Variants in PDE4D observed in about 807,000 individuals in gnomAD.
PDE4D encodes 3',5'-cyclic-AMP phosphodiesterase 4D.
A neutral mutation model predicts 87.4 loss-of-function variants in PDE4D; 24 were observed. That is an observed-to-expected ratio of 0.27 (90% confidence interval 0.20 to 0.39). PDE4D has a LOEUF of 0.39. PDE4D is among the 10% of genes least tolerant of loss of function. The probability of loss-of-function intolerance (pLI) is 1.00; values close to 1 mark genes in which losing one functional copy is unlikely to be tolerated. For missense variants in PDE4D, 714 were observed against 1,041.0 expected (o/e 0.69, Z 4.32); for synonymous variants, 384 against 383.2 (o/e 1.00, Z -0.02).
chr5:60,497,606 G>T (rs2150242393), intron 1 of PDE4D, among the ~76,000 whole-genome samples: 1 of 152,064 alleles, frequency 6.6e-6, no homozygotes, highest in Non-Finnish European at 1.5e-5. Context: ...GTCTCACTAT[G>T]TTCCCCAGGC....
rs534947814 is a variant in PDE4D at position 60,499,725 on chromosome 5, C to T, written n.70+22326G>A. On this transcript the variant is annotated intron_variant and non_coding_transcript_variant, in intron 1 of 2. Coordinates refer to the PDE4D transcript ENST00000506510. ...AGTAAATTTCAGCAACCCGATTGGT[C>T]ATTAAAGACTCCAAAAAATAAACAA... is the stretch of plus-strand genomic sequence containing the variant. Among the ~76,000 whole-genome samples the T allele has an allele frequency of 9.9e-5, 15 of 152,244 alleles. No individual in the cohort carries two copies. The South Asian group carries it at 2.7e-3, about 27-fold the overall frequency.
chr5:59,562,255 A>G (rs1317086149), intron 1 of PDE4D, among the ~76,000 whole-genome samples: 1 of 152,206 alleles, frequency 6.6e-6, no homozygotes, highest in Non-Finnish European at 1.5e-5. Flanking sequence ...ACCAGAAGGA[A>G]TTTCATATTC....
At chr5:59,696,865 T>C (rs1168863049) in intron 1 of PDE4D, among the ~76,000 whole-genome samples, 1 of 152,096 alleles carries the variant, frequency 6.6e-6, no homozygotes, top group Non-Finnish European at 1.5e-5. Context: ...ACAGAAAGTA[T>C]CTGTTGAAGG....
At chr5:59,412,553 C>A (rs1792876975) in intron 1 of PDE4D, among the ~76,000 whole-genome samples, 2 of 152,010 alleles carry the variant, frequency 1.3e-5, no homozygotes, top group Admixed American at 6.5e-5. Flanking sequence ...TCTTACTTGG[C>A]AAGCACATGA....
At chr5:59,887,127 T>C (rs1217398032) in intron 1 of PDE4D, among the ~76,000 whole-genome samples, 4 of 152,054 alleles carry the variant, frequency 2.6e-5, no homozygotes, top group Non-Finnish European at 1.5e-5. Flanking sequence ...AGTCTAAGAA[T>C]GCCACAGACC....
chr5:60,082,008 T>A (rs1301988034), intron 2 of PDE4D, among the ~76,000 whole-genome samples: 1 of 152,168 alleles, frequency 6.6e-6, no homozygotes, highest in Non-Finnish European at 1.5e-5. Context: ...GTTCTCCCCA[T>A]CCACTCTCCA....
chr5:59,997,359 A>G (rs1763610614), intron 2 of PDE4D, among the ~76,000 whole-genome samples: 1 of 152,186 alleles, frequency 6.6e-6, no homozygotes, highest in African/African-American at 2.4e-5. Flanking sequence ...AAAGTTTCTC[A>G]CTTGAGGAAC....
At chr5:59,080,089 T>C (rs1231401734) in intron 5 of PDE4D, among the ~76,000 whole-genome samples, 2 of 152,190 alleles carry the variant, frequency 1.3e-5, no homozygotes, top group Non-Finnish European at 2.9e-5. Flanking sequence ...TCCCAGTCTG[T>C]GGTCAGTGAA....
At chr5:60,418,563 C>CT (rs1432768252) in intron 1 of PDE4D, among the ~76,000 whole-genome samples, 3 of 151,510 alleles carry the variant, frequency 2.0e-5, no homozygotes, top group Admixed American at 6.6e-5. Context: ...CTCTTTTTGT[C>CT]TTTTTTTGTA....
At chr5:59,135,047 G>A (rs1776831575) in intron 5 of PDE4D, among the ~76,000 whole-genome samples, 1 of 152,112 alleles carries the variant, frequency 6.6e-6, no homozygotes, top group Non-Finnish European at 1.5e-5. Context: ...GCAATTCAGT[G>A]CGCACCAACA....
At chr5:59,031,042 C>A (rs1281503047) in intron 6 of PDE4D, among the ~76,000 whole-genome samples, 1 of 151,968 alleles carries the variant, frequency 6.6e-6, no homozygotes, top group African/African-American at 2.4e-5. Flanking sequence ...TTGCTCTCCA[C>A]CATGTACAAT....
intron 1 of PDE4D, among the ~76,000 whole-genome samples, chr5:59,257,429 G>A (rs548003898): frequency 6.6e-5 from 10 of 152,074 alleles, no homozygotes; most frequent in South Asian, 4.1e-4. Flanking sequence ...GGGGAACCAC[G>A]GCTTACATCT....
At chr5:59,179,859 A>G (rs1741065702) in intron 5 of PDE4D, among the ~76,000 whole-genome samples, 1 of 152,246 alleles carries the variant, frequency 6.6e-6, no homozygotes, top group Admixed American at 6.5e-5. Context: ...GTTTCAAGAA[A>G]TAGTCAAAAG....
At chr5:59,698,024 T>C (rs969366974) in intron 1 of PDE4D, among the ~76,000 whole-genome samples, 2 of 152,170 alleles carry the variant, frequency 1.3e-5, no homozygotes, top group Non-Finnish European at 2.9e-5. Context: ...TTTAGTCTAG[T>C]GAAGATTCAG....
intron 1 of PDE4D, among the ~76,000 whole-genome samples, chr5:59,390,610 G>A (rs545854622): frequency 1.8e-3 from 276 of 152,208 alleles, no homozygotes; most frequent in African/African-American, 6.4e-3. Flanking sequence ...ATATTTAAAT[G>A]AAAAATGATT....
At chr5:59,051,290 T>C (rs1299955817) in intron 5 of PDE4D, among the ~76,000 whole-genome samples, 2 of 152,140 alleles carry the variant, frequency 1.3e-5, no homozygotes, top group African/African-American at 2.4e-5. Flanking sequence ...GGAGAATCAA[T>C]TGAACCCTGG....
chr5:59,390,109 A>G (rs1046220356), intron 1 of PDE4D, among the ~76,000 whole-genome samples: 1 of 152,128 alleles, frequency 6.6e-6, no homozygotes, highest in African/African-American at 2.4e-5. Flanking sequence ...GTACCTCCTA[A>G]ATATGTATAA....
At chr5:59,371,256 C>T (rs912556038) in intron 1 of PDE4D, among the ~76,000 whole-genome samples, 21 of 152,140 alleles carry the variant, frequency 1.4e-4, no homozygotes, top group Admixed American at 1.3e-3. Context: ...GGAGTGGGAC[C>T]TTTGTTCCAT....
chr5:59,616,339 T>C (rs1253803808), intron 1 of PDE4D, among the ~76,000 whole-genome samples: 1 of 152,238 alleles, frequency 6.6e-6, no homozygotes, highest in African/African-American at 2.4e-5. Flanking sequence ...TCACTTTATG[T>C]ACATGAGTGG....
Sources: gnomAD v4.1 joint callset for allele counts (sites outside exome capture counted in the v4.1 genomes callset) on GRCh38, gnomAD v4.1.1 for gene constraint, MANE v1.5 for transcripts, NCBI Gene and HGNC (gene_info 2026-07-23, HGNC 2026-07-21) for gene names.